Variants in ZMAT4 observed in about 807,000 individuals in gnomAD.
ZMAT4 encodes the protein zinc finger matrin-type protein 4.
Under a neutral mutation model 28.7 loss-of-function variants are expected in ZMAT4, and 17 were observed. The ratio of observed to expected loss-of-function variants is 0.59; its 90% CI spans 0.41 to 0.89. The LOEUF (loss-of-function observed/expected upper bound fraction) is 0.89. Among genes scored for constraint, ZMAT4 ranks in the 40% least tolerant of loss-of-function variants. The pLI, the probability that ZMAT4 is intolerant of heterozygous loss-of-function variation, is 0.00. For missense variants in ZMAT4, 240 were observed against 283.8 expected (o/e 0.85, Z 1.11); for synonymous variants, 117 against 109.2 (o/e 1.07, Z -0.44).
chr8:40,773,908 G>A (rs1010936456), intron 2 of ZMAT4, among the ~76,000 whole-genome samples: 1 of 151,970 alleles, frequency 6.6e-6, no homozygotes, highest in African/African-American at 2.4e-5. Context: ...AATATAATAT[G>A]GCTTTAATGG....
At chr8:40,858,765 C>A (rs888185797) in intron 1 of ZMAT4, among the ~76,000 whole-genome samples, 1 of 152,154 alleles carries the variant, frequency 6.6e-6, no homozygotes, top group Admixed American at 6.5e-5. Flanking sequence ...TTTCTTCTCC[C>A]TACTCCTCTC....
Position 40,586,814 on chromosome 8 carries a change from G to A in ZMAT4, c.578-5553C>T, listed in dbSNP as rs528852227. On this transcript the variant is annotated intron_variant, in intron 5 of 6. Transcript: ENST00000297737. ...AAGACAGAGTACATTTTCTTATAGA[G>A]CTAATCAGGGAAAAAGACAAGAAAC... Among the ~76,000 whole-genome samples the A allele has an allele frequency of 7.2e-5, 11 of 152,236 alleles. No homozygotes were observed. In the South Asian group the frequency reaches 2.1e-3, roughly 29 times the overall value.
At chr8:40,807,316 C>T (rs1815129648) in intron 2 of ZMAT4, among the ~76,000 whole-genome samples, 1 of 151,990 alleles carries the variant, frequency 6.6e-6, no homozygotes, top group Non-Finnish European at 1.5e-5. Flanking sequence ...GTGGTGGAAG[C>T]CTGTAGTCCC....
At chr8:40,865,251 C>T in intron 1 of ZMAT4, among the ~76,000 whole-genome samples, 1 of 152,142 alleles carries the variant, frequency 6.6e-6, no homozygotes, top group Non-Finnish European at 1.5e-5. Flanking sequence ...TTTTGCCTTA[C>T]AAAGTCCAAG....
intron 4 of ZMAT4, among the ~76,000 whole-genome samples, chr8:40,688,063 G>A (rs1388912533): frequency 2.6e-5 from 4 of 152,058 alleles, no homozygotes; most frequent in African/African-American, 9.7e-5. Flanking sequence ...CCAGTACCAC[G>A]ACCGAGACAA....
At chr8:40,707,333 T>A (rs1810405682) in intron 3 of ZMAT4, among the ~76,000 whole-genome samples, 1 of 151,832 alleles carries the variant, frequency 6.6e-6, no homozygotes, top group Non-Finnish European at 1.5e-5. Context: ...CAGTGTTTTA[T>A]GTAATGTGGT....
At chr8:40,614,811 A>C (rs1416200190) in intron 5 of ZMAT4, among the ~76,000 whole-genome samples, 1 of 151,948 alleles carries the variant, frequency 6.6e-6, no homozygotes, top group Non-Finnish European at 1.5e-5. Flanking sequence ...TTTTGAGCCT[A>C]TGTGTGTCTC....
At chr8:40,779,391 TATGTC>T (rs1170904600) in intron 2 of ZMAT4, among the ~76,000 whole-genome samples, 1 of 151,448 alleles carries the variant, frequency 6.6e-6, no homozygotes, top group Non-Finnish European at 1.5e-5. Flanking sequence ...CCCAGAGCTC[TATGTC>T]ATGCCTCTCC....
At chr8:40,602,410 G>A (rs997277798) in intron 5 of ZMAT4, among the ~76,000 whole-genome samples, 1 of 152,078 alleles carries the variant, frequency 6.6e-6, no homozygotes, top group Non-Finnish European at 1.5e-5. Flanking sequence ...TGGATCAAAT[G>A]GTAGATCTAC....
chr8:40,705,954 A>G (rs999874214), intron 3 of ZMAT4, among the ~76,000 whole-genome samples: 2 of 152,210 alleles, frequency 1.3e-5, no homozygotes, highest in African/African-American at 4.8e-5. Context: ...AATTCAGACT[A>G]TCTGCATTTC....
chr8:40,761,030 A>C (rs1812916423), intron 3 of ZMAT4, among the ~76,000 whole-genome samples: 1 of 146,918 alleles, frequency 6.8e-6, no homozygotes, highest in Admixed American at 6.8e-5. Flanking sequence ...AGAGAAAAGA[A>C]GGAAGAAAGA....
intron 5 of ZMAT4, among the ~76,000 whole-genome samples, chr8:40,608,007 G>T (rs1001765707): frequency 5.9e-5 from 9 of 152,090 alleles, no homozygotes; most frequent in African/African-American, 1.9e-4. Flanking sequence ...ATGTTGGTTG[G>T]CCTTCAGCCA....
At position 40,867,777 on chromosome 8, in the gene ZMAT4, A is replaced by G. The variant is rs963678841; in HGVS notation, c.-5+29906T>C. Among the ~76,000 whole-genome samples the G allele has an allele frequency of 2.0e-5, 3 of 151,964 alleles. No homozygotes were observed. The South Asian group carries it at 6.2e-4, about 32-fold the overall frequency. On this transcript the variant is annotated intron_variant, in intron 1 of 6. Transcript: ENST00000297737. ...TCCTCTTCTGCAAACCTTTCCCCAG[A>G]CTTCCCAATCCCTCTTCTTACTCTG... is the stretch of plus-strand genomic sequence containing the variant.
At chr8:40,783,166 A>G (rs1356361097) in intron 2 of ZMAT4, among the ~76,000 whole-genome samples, 4 of 152,272 alleles carry the variant, frequency 2.6e-5, no homozygotes, top group African/African-American at 9.6e-5. Flanking sequence ...ATATCCATCA[A>G]CTGATGAATG....
At chr8:40,845,190 G>A (rs951495822) in intron 1 of ZMAT4, among the ~76,000 whole-genome samples, 3 of 152,144 alleles carry the variant, frequency 2.0e-5, no homozygotes, top group Non-Finnish European at 2.9e-5. Flanking sequence ...CCACTTTCAT[G>A]CAACTTGGAT....
At chr8:40,616,131 A>C (rs1187981581) in intron 5 of ZMAT4, among the ~76,000 whole-genome samples, 1 of 152,250 alleles carries the variant, frequency 6.6e-6, no homozygotes, top group African/African-American at 2.4e-5. Flanking sequence ...CAGACGCATG[A>C]AAAAATGCTC....
intron 6 of ZMAT4, among the ~76,000 whole-genome samples, chr8:40,539,148 T>C (rs960422487): frequency 6.6e-6 from 1 of 152,212 alleles, no homozygotes; most frequent in Non-Finnish European, 1.5e-5. Context: ...TTGCAATATT[T>C]TATGTACTGT....
intron 3 of ZMAT4, among the ~76,000 whole-genome samples, chr8:40,699,837 T>G (rs1235361128): frequency 1.3e-5 from 2 of 152,256 alleles, no homozygotes; most frequent in African/African-American, 4.8e-5. Flanking sequence ...TCTGTTCATC[T>G]GTGCATTCTC....
At chr8:40,866,824 TATGC>T (rs890822852) in intron 1 of ZMAT4, among the ~76,000 whole-genome samples, 1 of 152,194 alleles carries the variant, frequency 6.6e-6, no homozygotes. Context: ...CACACATGCA[TATGC>T]ATGCATGCAT....
Sources: allele counts gnomAD v4.1 joint callset (sites outside exome capture counted in the v4.1 genomes callset), GRCh38; gene constraint gnomAD v4.1.1; transcripts MANE v1.5; gene names NCBI Gene and HGNC (gene_info 2026-07-23, HGNC 2026-07-21).